The following QRFPR variants were observed in gnomAD, a reference collection of about 807,000 sequenced individuals.
QRFPR encodes pyroglutamylated RFamide peptide receptor.
A neutral mutation model predicts 31.3 loss-of-function variants in QRFPR; 37 were observed. The ratio of observed to expected loss-of-function variants is 1.18; its 90% CI spans 0.91 to 1.56. The LOEUF (loss-of-function observed/expected upper bound fraction) is 1.56, where lower values mean the gene tolerates loss of function less well. QRFPR is among the 40% of genes most tolerant of loss of function. QRFPR has a pLI of 0.00. For missense variants in QRFPR, 542 were observed against 532.5 expected (o/e 1.02, Z -0.18); for synonymous variants, 197 against 192.0 (o/e 1.03, Z -0.22).
At chr4:121,344,943 G>C (rs1206524553) in intron 1 of QRFPR, among the ~76,000 whole-genome samples, 1 of 152,284 alleles carries the variant, frequency 6.6e-6, no homozygotes, top group Admixed American at 6.5e-5. Flanking sequence ...TACATTCCCT[G>C]CATAGGAACT....
intron 1 of QRFPR, among the ~76,000 whole-genome samples, chr4:121,356,542 T>C (rs565208206): frequency 4.5e-4 from 69 of 152,318 alleles, no homozygotes; most frequent in Non-Finnish European, 9.4e-4. Flanking sequence ...TTTGTACCTA[T>C]CATTCTTGAA....
At chr4:121,346,092 A>G (rs1048309028) in intron 1 of QRFPR, among the ~76,000 whole-genome samples, 1 of 152,248 alleles carries the variant, frequency 6.6e-6, no homozygotes, top group African/African-American at 2.4e-5. Context: ...TTGTTGAAAA[A>G]CAATGTGAAT....
At chr4:121,351,779 C>A (rs1464735841) in intron 1 of QRFPR, among the ~76,000 whole-genome samples, 4 of 150,898 alleles carry the variant, frequency 2.7e-5, no homozygotes, top group Non-Finnish European at 5.9e-5. Context: ...ATTAGGAGTA[C>A]TTATGTAATT....
At chr4:121,339,843 T>C (rs1360867754) in intron 2 of QRFPR, among the ~76,000 whole-genome samples, 1 of 151,982 alleles carries the variant, frequency 6.6e-6, no homozygotes, top group African/African-American at 2.4e-5. Flanking sequence ...TGGTCCCAGC[T>C]ACTTGGGAGG....
chr4:121,333,786 G>A (rs1377786646), intron 3 of QRFPR, among the ~76,000 whole-genome samples: 1 of 152,106 alleles, frequency 6.6e-6, no homozygotes, highest in African/African-American at 2.4e-5. Flanking sequence ...AATATTTAAA[G>A]CATATTCAGA....
At chr4:121,334,277 G>T (rs1725392197) in intron 3 of QRFPR, among the ~76,000 whole-genome samples, 1 of 152,228 alleles carries the variant, frequency 6.6e-6, no homozygotes, top group Admixed American at 6.5e-5. Context: ...CTTCCTGAGG[G>T]TATGCTCAGA....
At chr4:121,345,887 G>A (rs1267468800) in intron 1 of QRFPR, among the ~76,000 whole-genome samples, 1 of 152,190 alleles carries the variant, frequency 6.6e-6, no homozygotes, top group African/African-American at 2.4e-5. Flanking sequence ...AGTTTGGGCA[G>A]TGTTCGTATT....
rs188965927 is a variant in QRFPR, at chr4:121,339,931, G to T, written c.499+521C>A. On this transcript the variant is annotated intron_variant, in intron 2 of 5. Transcript: ENST00000394427. The stretch of plus-strand genomic sequence containing the variant: ...GATCACACCACTGCACTCCAGCCTG[G>T]GCTACAGAATGAGACCCTATCTAAA... Among the ~76,000 whole-genome samples, 336 of 151,836 alleles carry T rather than the reference G, an allele frequency of 2.2e-3. 2 individuals are homozygous for T. The highest frequency in any genetic ancestry group is 7.7e-3 in the African/African-American group (318 of 41,376).
At chr4:121,343,651 C>T (rs556884918) in intron 1 of QRFPR, among the ~76,000 whole-genome samples, 1 of 151,126 alleles carries the variant, frequency 6.6e-6, no homozygotes, top group East Asian at 2.0e-4. Flanking sequence ...CATATTTATC[C>T]TAGGTTTTTT....
chr4:121,359,793 ATG>A (rs1491546850), intron 1 of QRFPR, among the ~76,000 whole-genome samples: 2 of 149,124 alleles, frequency 1.3e-5, no homozygotes, highest in African/African-American at 2.5e-5. Flanking sequence ...GTGTGTGTAT[ATG>A]TGTGTGTGTA....
In QRFPR at chr4:121,365,673, T is replaced by TA. The variant is rs1385977389; in HGVS notation, c.340+14634_340+14635insT. On this transcript the variant is annotated intron_variant, in intron 1 of 5. Transcript: ENST00000394427. ...TTATATATTATATATATTTTATATA[T>TA]TATATATATATATAAAACTAGTGTC... Among the ~76,000 whole-genome samples, 13 of 49,392 alleles carry TA rather than the reference T, an allele frequency of 2.6e-4. 3 individuals are homozygous for TA. Among genetic ancestry groups the TA allele is most frequent in the African/African-American group, 1.0e-3 (13 of 13,008 alleles). 32.4% of individuals were successfully genotyped at this position (49,392 alleles called of 152,430 possible).
intron 1 of QRFPR, among the ~76,000 whole-genome samples, chr4:121,352,763 C>T (rs1397214240): frequency 6.6e-6 from 1 of 151,966 alleles, no homozygotes; most frequent in African/African-American, 2.4e-5. Context: ...TTAAAATATA[C>T]AATAAATTAT....
At chr4:121,366,102 C>G in intron 1 of QRFPR, among the ~76,000 whole-genome samples, 1 of 149,268 alleles carries the variant, frequency 6.7e-6, no homozygotes, top group Admixed American at 6.7e-5. Context: ...CCTGCACAAA[C>G]AGGGCCAAAG....
chr4:121,378,761 T>C (rs1341952778), intron 1 of QRFPR, among the ~76,000 whole-genome samples: 2 of 152,108 alleles, frequency 1.3e-5, no homozygotes, highest in Non-Finnish European at 2.9e-5. Flanking sequence ...ATCCCTAATA[T>C]TTTACTGAAA....
chr4:121,340,399 T>C (rs1381859157), intron 2 of QRFPR, 53 bp downstream of exon 2: 1 of 1,585,218 alleles, frequency 6.3e-7, no homozygotes, highest in South Asian at 1.1e-5. Flanking sequence ...GGTTCTCTAT[T>C]CTGTAATGAA....
rs1560748166 is a variant in QRFPR, at chr4:121,377,415, T to TATA, written c.340+2892_340+2893insTAT. On this transcript the variant is annotated intron_variant, in intron 1 of 5. Coordinates refer to ENST00000394427, the MANE Select transcript of QRFPR (RefSeq NM_198179.3). ...TTTACATAACTATATATATATATATTTTTTTTTTTTTCCTCCCCAGTTGCA... is the reference window on the plus strand; with the variant it reads ...TTTACATAACTATATATATATATATTATATTTTTTTTTTTCCTCCCCAGTTGCA... Among the ~76,000 whole-genome samples, 5 of 71,554 alleles carry TATA rather than the reference T, an allele frequency of 7.0e-5. No homozygotes were observed. In the East Asian group the frequency reaches 9.9e-4, roughly 14 times the overall value. The allele number at this position is 71,554 out of a possible 152,430, so 46.9% of individuals were successfully genotyped here.
In QRFPR at chr4:121,368,737, G is replaced by A. The variant is rs868461540; in HGVS notation, c.340+11571C>T. On this transcript the variant is annotated intron_variant, in intron 1 of 5. Coordinates refer to ENST00000394427, the MANE Select transcript of QRFPR (RefSeq NM_198179.3). ...TCAGCCAGTCAGTGAGCACCTCTAC[G>A]CCATGATTTGTCAATGCTCACATGG... Among the ~76,000 whole-genome samples the A allele has an allele frequency of 3.0e-5, 4 of 133,728 alleles. No individual in the cohort carries two copies. In the East Asian group the frequency reaches 7.3e-4, roughly 24 times the overall value. The allele number at this position is 133,728 out of a possible 152,430, so 87.7% of individuals were successfully genotyped here. A position where few individuals can be genotyped will look rare whatever the true frequency, so the allele number is the denominator to read the frequency against.
At chr4:121,367,192 G>A (rs972455118) in intron 1 of QRFPR, among the ~76,000 whole-genome samples, 1 of 150,002 alleles carries the variant, frequency 6.7e-6, no homozygotes, top group African/African-American at 2.5e-5. Flanking sequence ...ACGAGACAGA[G>A]GCAGGGGACA....
chr4:121,350,093 A>G (rs1725734286), intron 1 of QRFPR, among the ~76,000 whole-genome samples: 1 of 152,204 alleles, frequency 6.6e-6, no homozygotes, highest in Non-Finnish European at 1.5e-5. Flanking sequence ...GTTGGATGAC[A>G]AAAAGGGCAA....
Sources: allele counts gnomAD v4.1 joint callset (sites outside exome capture counted in the v4.1 genomes callset), GRCh38; gene constraint gnomAD v4.1.1; transcripts MANE v1.5; gene names NCBI Gene and HGNC (gene_info 2026-07-23, HGNC 2026-07-21).